FSTL5: variants seen among roughly 807,000 people sequenced by gnomAD.
FSTL5 encodes follistatin like 5, also known as follistatin-related protein 5.
FSTL5 carries 62 observed loss-of-function variants against 89.1 expected under a neutral mutation model. That is an observed-to-expected ratio of 0.70 (90% CI 0.57 to 0.86). FSTL5 has a LOEUF of 0.86. Among genes scored for constraint, FSTL5 ranks in the 40% least tolerant of loss-of-function variants. FSTL5 has a pLI of 0.00. For synonymous variants in FSTL5, 383 were observed against 346.2 expected, an observed-to-expected ratio of 1.11 and a Z score of -1.18; for missense variants, 1,057 against 1,001.6, an observed-to-expected ratio of 1.06 and a Z score of -0.75.
intron 4 of FSTL5, among the ~76,000 whole-genome samples, chr4:161,860,193 C>T (rs1731861938): frequency 6.6e-6 from 1 of 151,992 alleles, no homozygotes; most frequent in Non-Finnish European, 1.5e-5. Context: ...GAGGCTGAGG[C>T]AGGAGAATGG....
chr4:161,795,781 T>C (rs1007352688), intron 4 of FSTL5, among the ~76,000 whole-genome samples: 3 of 152,056 alleles, frequency 2.0e-5, no homozygotes, highest in African/African-American at 7.2e-5. Flanking sequence ...CTAAGCTCTC[T>C]ATTCTGTTAA....
At chr4:161,388,753 G>T (rs1177615063) in intron 15 of FSTL5, among the ~76,000 whole-genome samples, 1 of 152,036 alleles carries the variant, frequency 6.6e-6, no homozygotes, top group East Asian at 1.9e-4. Flanking sequence ...TGGCATTTCA[G>T]CTCTCCTCTT....
intron 7 of FSTL5, among the ~76,000 whole-genome samples, chr4:161,630,313 G>T (rs976288152): frequency 6.6e-6 from 1 of 152,066 alleles, no homozygotes; most frequent in Non-Finnish European, 1.5e-5. Flanking sequence ...TCATATTTTC[G>T]TACTAAATGA....
chr4:162,044,574 C>T (rs1738100451), intron 2 of FSTL5, among the ~76,000 whole-genome samples: 1 of 152,130 alleles, frequency 6.6e-6, no homozygotes, highest in Admixed American at 6.6e-5. Context: ...AGAGAGTGAA[C>T]CTGTCCTTTC....
intron 15 of FSTL5, among the ~76,000 whole-genome samples, chr4:161,411,289 G>A (rs28830836): frequency 6.6e-6 from 1 of 151,538 alleles, no homozygotes; most frequent in Admixed American, 6.6e-5. Flanking sequence ...CCTACTAAAA[G>A]TTTTCAAACA....
intron 2 of FSTL5, among the ~76,000 whole-genome samples, chr4:162,055,083 A>G (rs1185982944): frequency 6.6e-6 from 1 of 151,806 alleles, no homozygotes; most frequent in Non-Finnish European, 1.5e-5. Context: ...TTGCTTGGTT[A>G]TAGAAAAGGG....
intron 15 of FSTL5, among the ~76,000 whole-genome samples, chr4:161,415,729 T>A (rs1270084879): frequency 6.8e-6 from 1 of 146,678 alleles, no homozygotes; most frequent in East Asian, 2.0e-4. Flanking sequence ...ATGGGAGATA[T>A]ATATATGTAT....
intron 10 of FSTL5, among the ~76,000 whole-genome samples, chr4:161,521,817 C>T (rs1282241476): frequency 7.5e-6 from 1 of 133,898 alleles, no homozygotes; most frequent in Admixed American, 8.4e-5. Context: ...CCACTGCACT[C>T]CAGCCTGGAT....
chr4:161,871,331 A>T (rs1239701969), intron 4 of FSTL5, among the ~76,000 whole-genome samples: 1 of 152,146 alleles, frequency 6.6e-6, no homozygotes, highest in Non-Finnish European at 1.5e-5. Flanking sequence ...TGACATACTT[A>T]AAATTTTCAA....
intron 3 of FSTL5, among the ~76,000 whole-genome samples, chr4:162,030,863 A>C (rs1247733278): frequency 6.6e-6 from 1 of 152,216 alleles, no homozygotes; most frequent in Non-Finnish European, 1.5e-5. Context: ...AGAAATCATA[A>C]ATTTAAATAC....
At chr4:162,042,504 G>A (rs1036634347) in intron 2 of FSTL5, among the ~76,000 whole-genome samples, 3 of 151,962 alleles carry the variant, frequency 2.0e-5, no homozygotes, top group African/African-American at 7.2e-5. Flanking sequence ...AAGGAATTAC[G>A]GTCATTTAGG....
chr4:162,037,981 A>C (rs1737805005), intron 2 of FSTL5, among the ~76,000 whole-genome samples: 1 of 151,982 alleles, frequency 6.6e-6, no homozygotes, highest in South Asian at 2.1e-4. Flanking sequence ...ATTATAAAGA[A>C]AATTGTGATT....
chr4:161,709,641 A>G (rs1487221167), intron 6 of FSTL5, among the ~76,000 whole-genome samples: 1 of 152,028 alleles, frequency 6.6e-6, no homozygotes, highest in Non-Finnish European at 1.5e-5. Flanking sequence ...CTACAAAAAC[A>G]AAAAATTAGC....
At chr4:161,795,682 C>A (rs528466659) in intron 4 of FSTL5, among the ~76,000 whole-genome samples, 1 of 151,892 alleles carries the variant, frequency 6.6e-6, no homozygotes, top group Admixed American at 6.6e-5. Flanking sequence ...TGAGGAAATT[C>A]GGTTTACCCA....
At chr4:161,605,298 T>G (rs1734396717) in intron 7 of FSTL5, among the ~76,000 whole-genome samples, 1 of 152,184 alleles carries the variant, frequency 6.6e-6, no homozygotes, top group African/African-American at 2.4e-5. Context: ...GCACATAGCC[T>G]TCCACAGTAT....
intron 10 of FSTL5, among the ~76,000 whole-genome samples, chr4:161,517,179 A>G (rs66466713): frequency 0.19 from 29,472 of 152,082 alleles, 3,101 homozygotes; most frequent in East Asian, 0.37. Flanking sequence ...ATGAGCCACC[A>G]TGCCTGGCCA....
intron 11 of FSTL5, among the ~76,000 whole-genome samples, chr4:161,503,539 T>C (rs577189845): frequency 6.6e-6 from 1 of 152,104 alleles, no homozygotes; most frequent in African/African-American, 2.4e-5. Flanking sequence ...TTTCAACCAA[T>C]GCCATTTATT....
chr4:161,812,907 A>AAAAAAT, intron 4 of FSTL5, among the ~76,000 whole-genome samples: 1 of 138,312 alleles, frequency 7.2e-6, no homozygotes, highest in South Asian at 2.3e-4. Context: ...AAAAAAAAAA[A>AAAAAAT]GATTACGTTT....
At chr4:161,691,370 C>T (rs1422051818) in intron 6 of FSTL5, among the ~76,000 whole-genome samples, 2 of 152,074 alleles carry the variant, frequency 1.3e-5, no homozygotes, top group Non-Finnish European at 1.5e-5. Context: ...TCATTCTAGA[C>T]TTTTAATTAT....
Sources: allele counts gnomAD v4.1 joint callset (sites outside exome capture counted in the v4.1 genomes callset), GRCh38; gene constraint gnomAD v4.1.1; transcripts MANE v1.5; gene names NCBI Gene and HGNC (gene_info 2026-07-23, HGNC 2026-07-21).